The following EVC2 variants were observed in gnomAD, a reference collection of about 807,000 sequenced individuals.
EVC2 encodes EvC ciliary complex subunit 2.
A neutral mutation model predicts 149.3 loss-of-function variants in EVC2; 148 were observed. The observed-to-expected ratio is 0.99, with a 90% CI of 0.87 to 1.14. The LOEUF (loss-of-function observed/expected upper bound fraction) is 1.14. Among genes scored for constraint, EVC2 ranks in the 50% most tolerant of loss-of-function variants. The probability of loss-of-function intolerance (pLI) is 0.00; values close to 1 mark genes in which losing one functional copy is unlikely to be tolerated. For synonymous variants in EVC2, 776 were observed against 649.9 expected, an observed-to-expected ratio of 1.19 and a Z score of -2.95; for missense variants, 1,854 against 1,627.3, an observed-to-expected ratio of 1.14 and a Z score of -2.40.
In EVC2 at chr4:5,691,385, C is replaced by T. The variant is rs35705473; in HGVS notation, c.451-52G>A. On this transcript the variant is annotated intron_variant, in intron 3 of 21. Transcript: ENST00000344408. Reference sequence around the variant, plus strand: ...AAAATGAGAAATATTTCATGCTATACATATTTAATAAAAGTACAAGATAAT... The same window carrying T: ...AAAATGAGAAATATTTCATGCTATATATATTTAATAAAAGTACAAGATAAT... The T allele has an allele frequency of 0.33, 462,566 of 1,419,332 alleles. 79,072 individuals carry two copies. Among genetic ancestry groups the T allele is most frequent in the South Asian group, 0.35 (29,481 of 85,382 alleles). 87.9% of individuals were successfully genotyped at this position (1,419,332 alleles called of 1,614,324 possible).
chr4:5,594,528 A>C (rs1010559723), intron 16 of EVC2, among the ~76,000 whole-genome samples: 15 of 152,170 alleles, frequency 9.9e-5, no homozygotes, highest in African/African-American at 3.4e-4. Context: ...TGTTAGAAGG[A>C]AAACTAACAA....
At chr4:5,706,337 G>GATAGATAGATAGATAGATAGATAGATAC in intron 1 of EVC2, among the ~76,000 whole-genome samples, 1 of 54,240 alleles carries the variant, frequency 1.8e-5, no homozygotes, top group African/African-American at 5.5e-5. Flanking sequence ...TAGATAGATA[G>GATAGATAGATAGATAGATAGATAGATAC]ATACATAGAT....
At chr4:5,693,607 A>C (rs548784547) in intron 3 of EVC2, among the ~76,000 whole-genome samples, 15 of 152,338 alleles carry the variant, frequency 9.8e-5, no homozygotes, top group Admixed American at 6.5e-4. Context: ...CCCAGCAGTG[A>C]GAAAATACAT....
intron 19 of EVC2, among the ~76,000 whole-genome samples, chr4:5,571,233 G>A (rs112538008): frequency 0.01 from 1,504 of 145,796 alleles, 30 homozygotes; most frequent in African/African-American, 0.032. Context: ...CAGGGGAATC[G>A]CTTGAACCAG....
chr4:5,627,585 TC>T (rs1560176714), intron 12 of EVC2, among the ~76,000 whole-genome samples: 1 of 152,184 alleles, frequency 6.6e-6, no homozygotes, highest in Non-Finnish European at 1.5e-5. Flanking sequence ...TATAGTCATG[TC>T]CCTATTCATT....
Position 5,668,144 on chromosome 4 carries a change from T to C in EVC2, c.871-2495A>G, listed in dbSNP as rs28408901. ...GCTCCAGACCATGGGATACCGAATGTATTATTTAGGAGCTAGAAGACAACT... is the reference window on the plus strand; with the variant it reads ...GCTCCAGACCATGGGATACCGAATGCATTATTTAGGAGCTAGAAGACAACT... On this transcript the variant is annotated intron_variant, in intron 7 of 21. Coordinates refer to ENST00000344408, the MANE Select transcript of EVC2 (RefSeq NM_147127.5). Among the ~76,000 whole-genome samples, 576 of 152,366 alleles carry C rather than the reference T, an allele frequency of 3.8e-3. 3 individuals carry two copies. The highest frequency in any genetic ancestry group is 0.013 in the African/African-American group (548 of 41,594).
In EVC2 at chr4:5,610,794, CT is replaced by C. The variant is rs10690279; in HGVS notation, c.2829+4627del. Among the ~76,000 whole-genome samples the C allele has an allele frequency of 1.6e-3, 198 of 126,432 alleles. 1 individual carries two copies. The highest frequency in any genetic ancestry group is 4.3e-3 in the Middle Eastern group (1 of 230). The allele number at this position is 126,432 out of a possible 152,430, so 82.9% of individuals were successfully genotyped here. ...TTATGTCTTGCTCCTTTTTCCTTTT[CT>C]TTTTTTTTTTTTTTTTGCCAAATGC... On this transcript the variant is annotated intron_variant, in intron 16 of 21. Transcript: ENST00000344408.
At chr4:5,582,948 G>A (rs549637939) in intron 17 of EVC2, among the ~76,000 whole-genome samples, 5 of 152,270 alleles carry the variant, frequency 3.3e-5, no homozygotes, top group Admixed American at 6.5e-5. Context: ...TAAGTTTCCT[G>A]AGTCCTCCCC....
intron 11 of EVC2, among the ~76,000 whole-genome samples, chr4:5,630,342 C>A (rs1478715939): frequency 6.6e-6 from 1 of 152,158 alleles, no homozygotes; most frequent in Non-Finnish European, 1.5e-5. Flanking sequence ...TGGGTGAATG[C>A]TGAGGACCTG....
intron 8 of EVC2, among the ~76,000 whole-genome samples, chr4:5,664,588 T>C (rs1719130083): frequency 6.6e-6 from 1 of 152,144 alleles, no homozygotes; most frequent in African/African-American, 2.4e-5. Context: ...CCAAGGAGAC[T>C]GTGGGCTGAC....
At chr4:5,669,271 C>T (rs1719477435) in intron 7 of EVC2, among the ~76,000 whole-genome samples, 1 of 152,234 alleles carries the variant, frequency 6.6e-6, no homozygotes, top group South Asian at 2.1e-4. Context: ...CCTGAGGACA[C>T]TAACACAATG....
At chr4:5,586,730 G>T (rs60998431) in intron 16 of EVC2, among the ~76,000 whole-genome samples, 11 of 151,916 alleles carry the variant, frequency 7.2e-5, no homozygotes, top group Admixed American at 2.0e-4. Flanking sequence ...TCTTTTCATC[G>T]AATTATGATC....
Position 5,593,325 on chromosome 4 carries a change from C to T in EVC2, c.2830-8475G>A, listed in dbSNP as rs73198110. Among the ~76,000 whole-genome samples the T allele has an allele frequency of 3.8e-3, 574 of 152,212 alleles. 3 individuals carry two copies. The highest frequency in any genetic ancestry group is 8.9e-3 in the East Asian group (46 of 5,176). ...CCTGCCTGCCCTTCTTTCAAGTGTG[C>T]GTTACTTCCTTTTCTTCCTGCTCTA... On this transcript the variant is annotated intron_variant, in intron 16 of 21. Transcript: ENST00000344408.
At chr4:5,631,742 G>GA (rs779082297) in intron 11 of EVC2, 51 bp downstream of exon 11, 1 of 1,608,368 alleles carries the variant, frequency 6.2e-7, no homozygotes, top group Non-Finnish European at 8.5e-7. Context: ...GACATTTACT[G>GA]AAACAATTCA....
At chr4:5,547,615 C>G (rs1216109431) in intron 21 of EVC2, among the ~76,000 whole-genome samples, 1 of 152,160 alleles carries the variant, frequency 6.6e-6, no homozygotes, top group Non-Finnish European at 1.5e-5. Flanking sequence ...TCAGGATGAC[C>G]AGCTGCAGAG....
downstream of EVC2, among the ~76,000 whole-genome samples, chr4:5,539,591 T>C (rs150412581): frequency 6.6e-6 from 1 of 152,054 alleles, no homozygotes; most frequent in Admixed American, 6.5e-5. Context: ...AATAAACAAA[T>C]AGATCAATTA....
rs992459524 is a variant in EVC2 at position 5,696,126 on chromosome 4, G to A, written c.283+1467C>T. Among the ~76,000 whole-genome samples, 3 of 152,168 alleles carry A rather than the reference G, an allele frequency of 2.0e-5. No individual in the cohort carries two copies. Among genetic ancestry groups the A allele is most frequent in the African/African-American group, 4.8e-5 (2 of 41,452 alleles). ...AGAGCATATGGGTGCAAGTGAGACC[G>A]GACATCCATCTCCGGACCCCAGCAC... On this transcript the variant is annotated intron_variant, in intron 2 of 21. Coordinates refer to ENST00000344408, the MANE Select transcript of EVC2 (RefSeq NM_147127.5). The surrounding 1 kb of genome is among the most constrained non-coding windows in gnomAD (Gnocchi z 4.1).
intron 16 of EVC2, among the ~76,000 whole-genome samples, chr4:5,601,163 G>T (rs1577142473): frequency 6.6e-6 from 1 of 152,046 alleles, no homozygotes; most frequent in Non-Finnish European, 1.5e-5. Context: ...ACAGTCTACG[G>T]GCCCTGGCTA....
intron 7 of EVC2, among the ~76,000 whole-genome samples, chr4:5,671,318 G>T (rs1719635681): frequency 6.6e-6 from 1 of 152,106 alleles, no homozygotes; most frequent in African/African-American, 2.4e-5. Context: ...AGCCATCAAG[G>T]GTTTGTGCCC....
Sources: allele counts gnomAD v4.1 joint callset (sites outside exome capture counted in the v4.1 genomes callset), GRCh38; gene constraint gnomAD v4.1.1; non-coding constraint Gnocchi (gnomAD v3.1); transcripts MANE v1.5; gene names NCBI Gene and HGNC (gene_info 2026-07-23, HGNC 2026-07-21).